The following SRFBP1 variants were observed in gnomAD, a reference collection of about 807,000 sequenced individuals.
SRFBP1 encodes serum response factor-binding protein 1.
In SRFBP1, 47 loss-of-function variants were observed where a neutral mutation model predicts 45.5. That is an observed-to-expected ratio of 1.03 (90% CI 0.82 to 1.32). SRFBP1 has a LOEUF of 1.32. SRFBP1 is among the 40% of genes most tolerant of loss of function. The pLI is 0.00. For missense variants in SRFBP1, 621 were observed against 484.6 expected, an observed-to-expected ratio of 1.28 and a Z score of -2.64; for synonymous variants, 203 against 166.3, an observed-to-expected ratio of 1.22 and a Z score of -1.70.
intron 4 of SRFBP1, among the ~76,000 whole-genome samples, chr5:122,001,857 G>A (rs1021469271): frequency 2.0e-5 from 3 of 152,150 alleles, no homozygotes; most frequent in Middle Eastern, 3.4e-3. Context: ...CACCGCGCCC[G>A]GCCATCCTTT....
chr5:121,989,001 A>G (rs1004357949), intron 3 of SRFBP1, among the ~76,000 whole-genome samples: 3 of 152,190 alleles, frequency 2.0e-5, no homozygotes, highest in South Asian at 4.1e-4. Context: ...TTCAATTTAG[A>G]GAAAAATCTA....
intron 2 of SRFBP1, among the ~76,000 whole-genome samples, chr5:122,069,189 T>C (rs542336215): frequency 1.1e-4 from 16 of 152,276 alleles, no homozygotes; most frequent in African/African-American, 3.9e-4. Flanking sequence ...TATGAGATTC[T>C]AGTATAGCTC....
At chr5:121,990,258 C>T (rs535104343) in intron 3 of SRFBP1, among the ~76,000 whole-genome samples, 10 of 152,244 alleles carry the variant, frequency 6.6e-5, no homozygotes, top group East Asian at 5.8e-4. Flanking sequence ...AGAATGAAAT[C>T]GTGTCATTTG....
At chr5:122,024,984 AAGTTTT>A in intron 7 of SRFBP1, among the ~76,000 whole-genome samples, 1 of 151,910 alleles carries the variant, frequency 6.6e-6, no homozygotes, top group African/African-American at 2.4e-5. Context: ...ATTACACTTT[AAGTTTT>A]AGAGTACATG....
At chr5:122,057,544 C>T (rs1182570450) in intron 2 of SRFBP1, among the ~76,000 whole-genome samples, 1 of 151,308 alleles carries the variant, frequency 6.6e-6, no homozygotes, top group Non-Finnish European at 1.5e-5. Flanking sequence ...CCAGGCTGGT[C>T]TCAAACTCCT....
intron 3 of SRFBP1, among the ~76,000 whole-genome samples, chr5:121,980,206 T>G (rs1364838149): frequency 1.3e-5 from 2 of 152,204 alleles, no homozygotes; most frequent in Non-Finnish European, 2.9e-5. Context: ...ATTTATACTT[T>G]TCCTTCCAAC....
rs564077454 is a variant in SRFBP1 at position 121,965,375 on chromosome 5, A to C, written c.36+3307A>C. On this transcript the variant is annotated intron_variant, in intron 1 of 7. Coordinates refer to ENST00000339397, the MANE Select transcript of SRFBP1 (RefSeq NM_152546.3). ...TTGAGTTAATTTTTGTATAAGGTGT[A>C]AGGAAGGGGTCCAGTTTCAGTTTTC... Among the ~76,000 whole-genome samples the C allele has an allele frequency of 3.3e-5, 5 of 152,302 alleles. No individual in the cohort carries two copies. In the East Asian group the frequency reaches 9.6e-4, roughly 29 times the overall value.
rs111837818 is a variant in SRFBP1, at chr5:122,074,133, G to A, written n.312-1182G>A. On this transcript the variant is annotated intron_variant and non_coding_transcript_variant, in intron 2 of 2. Transcript: ENST00000504881. ...TCCTCTGGGTGTTGGCATCAAGCAG[G>A]TCATAGTGGCTAAACTCATCCATAC... is the stretch of plus-strand genomic sequence containing the variant. 12 of 1,614,108 alleles carry A rather than the reference G, an allele frequency of 7.4e-6. No individual in the cohort carries two copies. The highest frequency in any genetic ancestry group is 1.3e-5 in the African/African-American group (1 of 75,042).
intron 2 of SRFBP1, chr5:122,064,661 A>G (rs1754251232): frequency 6.6e-6 from 1 of 152,030 alleles, no homozygotes. Context: ...AAATGAAATA[A>G]GATGAACCTT....
At chr5:122,037,803 C>T (rs1406061871) in intron 2 of SRFBP1, among the ~76,000 whole-genome samples, 1 of 152,146 alleles carries the variant, frequency 6.6e-6, no homozygotes. Context: ...TACCCATGAG[C>T]CACAGTGCTT....
At chr5:122,017,101 T>C (rs947966162) in intron 4 of SRFBP1, among the ~76,000 whole-genome samples, 2 of 151,912 alleles carry the variant, frequency 1.3e-5, no homozygotes, top group African/African-American at 4.8e-5. Context: ...TGGTGGCGGG[T>C]GCCTGTAGTC....
intron 1 of SRFBP1, among the ~76,000 whole-genome samples, chr5:121,965,746 TG>T (rs1415991589): frequency 2.0e-5 from 3 of 152,182 alleles, no homozygotes; most frequent in Non-Finnish European, 4.4e-5. Context: ...GGTAGCTTGA[TG>T]GGGATAGCTT....
At chr5:122,001,716 C>T (rs1370036572) in intron 4 of SRFBP1, among the ~76,000 whole-genome samples, 6 of 151,890 alleles carry the variant, frequency 4.0e-5, no homozygotes, top group Non-Finnish European at 7.4e-5. Context: ...CGCCCGCCAC[C>T]GTGCCCGGCT....
chr5:122,009,361 A>T (rs767211483), intron 4 of SRFBP1, among the ~76,000 whole-genome samples: 1 of 152,030 alleles, frequency 6.6e-6, no homozygotes, highest in Non-Finnish European at 1.5e-5. Flanking sequence ...TCTTTGATGG[A>T]TACAATTTCC....
downstream of SRFBP1, chr5:122,077,362 G>C: frequency 6.2e-7 from 1 of 1,613,832 alleles, no homozygotes; most frequent in Non-Finnish European, 8.5e-7. The surrounding 1 kb of genome is among the most constrained non-coding windows in gnomAD (Gnocchi z 4.9). Context: ...TACCGTACTG[G>C]AAGTAGCCAG....
At position 122,028,433 on chromosome 5, in the gene SRFBP1, C is replaced by T. The variant is rs1002851799; in HGVS notation, c.*1307C>T. 3.3e-5 allele frequency: 5 copies of T among 152,104 alleles called. No homozygotes were observed. Among genetic ancestry groups the T allele is most frequent in the Non-Finnish European group, 7.3e-5 (5 of 68,066 alleles). 9.4% of individuals were successfully genotyped at this position (152,104 alleles called of 1,614,324 possible). ...CCAGCCTGGGCAACATGGTGAAACC[C>T]TGTCTCTACTAAAAATACAGAAAAT... On this transcript the variant is annotated 3_prime_UTR_variant, in exon 8 of 8. Coordinates refer to ENST00000339397, the MANE Select transcript of SRFBP1 (RefSeq NM_152546.3).
intron 2 of SRFBP1, chr5:122,066,037 ATTGGGCAGCTCCC>A (rs1046754689): frequency 1.5e-4 from 23 of 152,086 alleles, no homozygotes; most frequent in African/African-American, 5.6e-4. Context: ...ATCAGACAGG[ATTGGGCAGCTCCC>A]TTACTTAATT....
At chr5:122,078,105 G>A, downstream of SRFBP1, 5 of 949,006 alleles carry the variant, frequency 5.3e-6, no homozygotes, top group Non-Finnish European at 5.8e-6. Context: ...CGGAGCACGG[G>A]TATCTCAGTC....
intron 2 of SRFBP1, among the ~76,000 whole-genome samples, chr5:122,055,796 C>G (rs977547888): frequency 6.6e-6 from 1 of 152,084 alleles, no homozygotes; most frequent in Admixed American, 6.5e-5. Flanking sequence ...AGGATGGTTG[C>G]TATTACCATT....
Sources: gnomAD v4.1 joint callset for allele counts (sites outside exome capture counted in the v4.1 genomes callset) on GRCh38, gnomAD v4.1.1 for gene constraint, Gnocchi (gnomAD v3.1) non-coding constraint, MANE v1.5 for transcripts, NCBI Gene and HGNC (gene_info 2026-07-23, HGNC 2026-07-21) for gene names.